The following SLC4A4 variants were observed in gnomAD, a reference collection of about 807,000 sequenced individuals.
SLC4A4 encodes the protein electrogenic sodium bicarbonate cotransporter 1.
Under a neutral mutation model 111.5 loss-of-function variants are expected in SLC4A4, and 27 were observed. The ratio of observed to expected loss-of-function variants is 0.24; its 90% CI spans 0.18 to 0.33. The LOEUF (loss-of-function observed/expected upper bound fraction) is 0.33, where lower values mean the gene tolerates loss of function less well. SLC4A4 is among the 10% of genes least tolerant of loss of function. The pLI is 1.00. For synonymous variants in SLC4A4, 443 were observed against 463.4 expected (o/e 0.96, Z 0.57); for missense variants, 909 against 1,315.5 (o/e 0.69, Z 4.78).
chr4:71,537,331 G>C (rs1734611478), intron 18 of SLC4A4, among the ~76,000 whole-genome samples: 1 of 149,092 alleles, frequency 6.7e-6, no homozygotes, highest in African/African-American at 2.6e-5. Context: ...ACATATATGT[G>C]TGTATATATT....
At chr4:71,259,352 G>C (rs1721683803) in intron 3 of SLC4A4, among the ~76,000 whole-genome samples, 1 of 152,076 alleles carries the variant, frequency 6.6e-6, no homozygotes, top group Non-Finnish European at 1.5e-5. Flanking sequence ...AAGCGAGCTA[G>C]CTTCGTATCC....
intron 2 of SLC4A4, among the ~76,000 whole-genome samples, chr4:71,095,180 T>C (rs16845766): frequency 0.092 from 13,949 of 152,260 alleles, 792 homozygotes; most frequent in African/African-American, 0.16. Context: ...CGTGAAGCCA[T>C]TCTCTACCAC....
chr4:71,436,956 T>G (rs1724213757), intron 7 of SLC4A4: 1 of 317,210 alleles, frequency 3.2e-6, no homozygotes, highest in Non-Finnish European at 6.0e-6. Context: ...AAAAAATGTT[T>G]ACTGTTGTTT....
At chr4:71,197,747 GA>G (rs1220975896) in intron 1 of SLC4A4, among the ~76,000 whole-genome samples, 1 of 152,098 alleles carries the variant, frequency 6.6e-6, no homozygotes, top group African/African-American at 2.4e-5. Flanking sequence ...GATTTATAAG[GA>G]ATAGCAATTT....
intron 6 of SLC4A4, among the ~76,000 whole-genome samples, chr4:71,372,944 C>T (rs1157263317): frequency 1.3e-5 from 2 of 151,840 alleles, no homozygotes; most frequent in Non-Finnish European, 2.9e-5. Flanking sequence ...ATTTAAATAA[C>T]TGAATTGTAA....
At chr4:71,153,033 G>GTGTATA (rs386400441) in intron 2 of SLC4A4, among the ~76,000 whole-genome samples, 31 of 132,724 alleles carry the variant, frequency 2.3e-4, no homozygotes, top group East Asian at 6.9e-4. Flanking sequence ...ATATGTGTGT[G>GTGTATA]TATATATATA....
chr4:71,137,084 C>G (rs1469914213), intron 2 of SLC4A4, among the ~76,000 whole-genome samples: 1 of 152,076 alleles, frequency 6.6e-6, no homozygotes, highest in East Asian at 1.9e-4. Context: ...GTTTGTTCAC[C>G]AACTTTCCAA....
At chr4:71,148,720 A>G (rs1195669654) in intron 2 of SLC4A4, among the ~76,000 whole-genome samples, 2 of 152,128 alleles carry the variant, frequency 1.3e-5, no homozygotes, top group African/African-American at 4.8e-5. Context: ...CCCGCAAAGG[A>G]CATGATCTTG....
At chr4:71,408,306 G>A (rs906662926) in intron 7 of SLC4A4, among the ~76,000 whole-genome samples, 5 of 152,088 alleles carry the variant, frequency 3.3e-5, no homozygotes, top group Non-Finnish European at 7.4e-5. Flanking sequence ...ATTCATAATA[G>A]AGATATTATA....
intron 10 of SLC4A4, among the ~76,000 whole-genome samples, chr4:71,450,940 T>A (rs1290097783): frequency 1.3e-5 from 2 of 152,300 alleles, no homozygotes; most frequent in East Asian, 3.9e-4. Flanking sequence ...GAAATCTATT[T>A]TTTCCCAGTT....
intron 14 of SLC4A4, among the ~76,000 whole-genome samples, chr4:71,476,407 A>G (rs1728378440): frequency 6.6e-6 from 1 of 151,764 alleles, no homozygotes; most frequent in African/African-American, 2.4e-5. Flanking sequence ...CAATGAGTCA[A>G]TAATAGTTAA....
chr4:71,409,537 T>C (rs1046896169), intron 7 of SLC4A4, among the ~76,000 whole-genome samples: 3 of 152,214 alleles, frequency 2.0e-5, no homozygotes, highest in Non-Finnish European at 4.4e-5. Context: ...CAGAAGAAAT[T>C]TCTAAGCAGC....
chr4:71,543,516 C>T (rs1283235531), intron 18 of SLC4A4, among the ~76,000 whole-genome samples: 2 of 152,054 alleles, frequency 1.3e-5, no homozygotes, highest in Non-Finnish European at 2.9e-5. Flanking sequence ...CCTTTATAGT[C>T]CATCATCTAA....
intron 1 of SLC4A4, among the ~76,000 whole-genome samples, chr4:71,197,880 G>A (rs760632620): frequency 4.6e-5 from 7 of 152,246 alleles, no homozygotes; most frequent in Admixed American, 1.3e-4. Flanking sequence ...GTGGGTTTCC[G>A]TTGGAAAAGG....
chr4:71,500,047 C>T (rs567456094), intron 16 of SLC4A4, among the ~76,000 whole-genome samples: 52 of 152,292 alleles, frequency 3.4e-4, no homozygotes, highest in African/African-American at 1.0e-3. Context: ...TTCCCACCAA[C>T]GGTGTACAAG....
At chr4:71,140,916 A>C (rs1560740481) in intron 2 of SLC4A4, among the ~76,000 whole-genome samples, 1 of 152,202 alleles carries the variant, frequency 6.6e-6, no homozygotes, top group Non-Finnish European at 1.5e-5. Context: ...GTGGGATACA[A>C]AGTTATGTTA....
intron 3 of SLC4A4, among the ~76,000 whole-genome samples, chr4:71,296,683 G>A (rs75674120): frequency 0.039 from 5,930 of 152,186 alleles, 160 homozygotes; most frequent in East Asian, 0.11. Context: ...ATTTAAAAAA[G>A]TGGTTAACTT....
chr4:71,565,831 A>C (rs902898776), intron 24 of SLC4A4, among the ~76,000 whole-genome samples: 3 of 151,818 alleles, frequency 2.0e-5, no homozygotes, highest in Admixed American at 6.6e-5. Flanking sequence ...AAGCATACTC[A>C]TGGGGCCCTT....
chr4:71,094,396 C>G (rs79414160), intron 2 of SLC4A4, among the ~76,000 whole-genome samples: 3,664 of 152,044 alleles, frequency 0.024, 150 homozygotes, highest in African/African-American at 0.083. Context: ...AAATACTAAG[C>G]ACTGTGTGTC....
Sources: gnomAD v4.1 joint callset for allele counts (sites outside exome capture counted in the v4.1 genomes callset) on GRCh38, gnomAD v4.1.1 for gene constraint, MANE v1.5 for transcripts, NCBI Gene and HGNC (gene_info 2026-07-23, HGNC 2026-07-21) for gene names.